ESRRG: variants seen among roughly 807,000 people sequenced by gnomAD.
ESRRG encodes the protein estrogen related receptor gamma.
ESRRG carries 13 observed loss-of-function variants against 44.0 expected under a neutral mutation model. The ratio of observed to expected loss-of-function variants is 0.30; its 90% CI spans 0.19 to 0.47. ESRRG has a LOEUF of 0.47. ESRRG is among the 20% of genes least tolerant of loss of function. The pLI is 1.00. For synonymous variants in ESRRG, 215 were observed against 214.6 expected (o/e 1.00, Z -0.02); for missense variants, 395 against 580.6 (o/e 0.68, Z 3.29).
chr1:216,833,159 G>T (rs2095512782), intron 2 of ESRRG, among the ~76,000 whole-genome samples: 1 of 152,126 alleles, frequency 6.6e-6, no homozygotes, highest in South Asian at 2.1e-4. Flanking sequence ...CCTTCACAGT[G>T]TAAGTGCTCA....
At chr1:216,866,558 T>C (rs2096163807) in intron 2 of ESRRG, among the ~76,000 whole-genome samples, 1 of 114,670 alleles carries the variant, frequency 8.7e-6, no homozygotes, top group Non-Finnish European at 1.7e-5. Context: ...TCTTTGTTTC[T>C]TTCTTTCTTT....
At chr1:216,663,851 T>A (rs1186719146) in intron 2 of ESRRG, among the ~76,000 whole-genome samples, 1 of 152,124 alleles carries the variant, frequency 6.6e-6, no homozygotes, top group Non-Finnish European at 1.5e-5. Context: ...AGGATCAGTT[T>A]AAGACTAACA....
intron 3 of ESRRG, among the ~76,000 whole-genome samples, chr1:216,585,906 T>A (rs6673467): frequency 6.6e-6 from 1 of 151,836 alleles, no homozygotes; most frequent in South Asian, 2.1e-4. Flanking sequence ...CAGGCGTGGT[T>A]GTGGGTGCCT....
intron 5 of ESRRG, among the ~76,000 whole-genome samples, chr1:216,542,992 G>A (rs1262425867): frequency 2.0e-5 from 3 of 151,972 alleles, no homozygotes; most frequent in Non-Finnish European, 2.9e-5. Context: ...TTTAGTGGAA[G>A]AACCAAAGAA....
chr1:217,100,331 ACT>A (rs1377219144), intron 1 of ESRRG, among the ~76,000 whole-genome samples: 1 of 151,992 alleles, frequency 6.6e-6, no homozygotes, highest in African/African-American at 2.4e-5. Context: ...TGACCCCAAC[ACT>A]CTATAATAGG....
At chr1:216,810,801 T>TAA (rs1477713753) in intron 2 of ESRRG, among the ~76,000 whole-genome samples, 1 of 148,616 alleles carries the variant, frequency 6.7e-6, no homozygotes, top group East Asian at 1.9e-4. Flanking sequence ...CTAATATATA[T>TAA]AACTATGATA....
At chr1:216,701,437 C>G (rs1471291648) in intron 1 of ESRRG, 2 of 152,216 alleles carry the variant, frequency 1.3e-5, no homozygotes, top group East Asian at 3.9e-4. Flanking sequence ...CTTCGTTCCT[C>G]TATGCACAGA....
At chr1:217,054,153 G>T (rs917619379) in intron 1 of ESRRG, among the ~76,000 whole-genome samples, 5 of 152,088 alleles carry the variant, frequency 3.3e-5, no homozygotes, top group African/African-American at 1.2e-4. Context: ...CAAAACATGG[G>T]TATTTTTCTA....
chr1:216,571,189 G>A (rs1355270091), intron 3 of ESRRG, among the ~76,000 whole-genome samples: 1 of 152,144 alleles, frequency 6.6e-6, no homozygotes, highest in Non-Finnish European at 1.5e-5. Context: ...TTTTTATTAT[G>A]TATTATGGAT....
At chr1:216,941,492 A>G (rs2065215833) in intron 1 of ESRRG, among the ~76,000 whole-genome samples, 2 of 152,160 alleles carry the variant, frequency 1.3e-5, no homozygotes, top group South Asian at 2.1e-4. Context: ...TGTTAAAACA[A>G]TGGTTTTGGG....
intron 3 of ESRRG, among the ~76,000 whole-genome samples, chr1:216,646,547 A>G (rs1401771001): frequency 6.6e-6 from 1 of 152,162 alleles, no homozygotes; most frequent in Non-Finnish European, 1.5e-5. Flanking sequence ...GCTTGAATCT[A>G]CAAGCCACCT....
intron 1 of ESRRG, among the ~76,000 whole-genome samples, chr1:216,943,633 C>A (rs2065612860): frequency 6.6e-6 from 1 of 152,106 alleles, no homozygotes; most frequent in African/African-American, 2.4e-5. Context: ...CACACACATA[C>A]AAAAGCCTGA....
intron 2 of ESRRG, among the ~76,000 whole-genome samples, chr1:216,748,851 G>A (rs1418442212): frequency 6.6e-6 from 1 of 152,102 alleles, no homozygotes; most frequent in Non-Finnish European, 1.5e-5. Flanking sequence ...CATGGTATGT[G>A]AGTGTGGTCT....
chr1:216,749,728 C>A (rs538282792), intron 2 of ESRRG, among the ~76,000 whole-genome samples: 3 of 151,992 alleles, frequency 2.0e-5, no homozygotes, highest in Admixed American at 1.3e-4. Context: ...GATGACAGAT[C>A]GAAATCATTA....
intron 1 of ESRRG, among the ~76,000 whole-genome samples, chr1:216,947,537 G>A (rs2150035689): frequency 6.6e-6 from 1 of 152,182 alleles, no homozygotes; most frequent in South Asian, 2.1e-4. Flanking sequence ...AGCTACAATG[G>A]CTTATTTCTA....
At chr1:216,806,713 T>C (rs1291666987) in intron 2 of ESRRG, among the ~76,000 whole-genome samples, 1 of 152,132 alleles carries the variant, frequency 6.6e-6, no homozygotes, top group African/African-American at 2.4e-5. Context: ...ATGTAAGAAA[T>C]ACTGAGCTTG....
chr1:216,691,733 T>G (rs1243345152), intron 1 of ESRRG, among the ~76,000 whole-genome samples: 2 of 152,228 alleles, frequency 1.3e-5, no homozygotes, highest in African/African-American at 2.4e-5. Context: ...TCTTTTAATC[T>G]GGGTGTCCAG....
At chr1:216,835,969 A>C (rs1010012914) in intron 2 of ESRRG, among the ~76,000 whole-genome samples, 4 of 152,152 alleles carry the variant, frequency 2.6e-5, no homozygotes, top group African/African-American at 7.2e-5. Flanking sequence ...CCATTGTATC[A>C]AAAAGCAGAG....
At chr1:216,571,391 C>A (rs1290209028) in intron 3 of ESRRG, among the ~76,000 whole-genome samples, 2 of 152,118 alleles carry the variant, frequency 1.3e-5, no homozygotes, top group East Asian at 3.9e-4. Flanking sequence ...TGCAGTGAAC[C>A]AAGATCGCAC....
Sources: allele counts gnomAD v4.1 joint callset (sites outside exome capture counted in the v4.1 genomes callset), GRCh38; gene constraint gnomAD v4.1.1; transcripts MANE v1.5; gene names NCBI Gene and HGNC (gene_info 2026-07-23, HGNC 2026-07-21).